EVC2: variants seen among roughly 807,000 people sequenced by gnomAD.
EVC2 encodes limbin.
Under a neutral mutation model 149.3 loss-of-function variants are expected in EVC2, and 148 were observed. The observed-to-expected ratio is 0.99, with a 90% CI of 0.87 to 1.14. The LOEUF is 1.14. Ranked by LOEUF, EVC2 falls within the 50% of genes most tolerant of loss-of-function variation. The pLI is 0.00. For synonymous variants in EVC2, 776 were observed against 649.9 expected (o/e 1.19, Z -2.95); for missense variants, 1,854 against 1,627.3 (o/e 1.14, Z -2.40).
chr4:5,561,381 C>T (rs530732835), downstream of EVC2, among the ~76,000 whole-genome samples: 8 of 152,270 alleles, frequency 5.3e-5, 1 homozygote, highest in South Asian at 1.5e-3. Flanking sequence ...TGTTCTCACT[C>T]GAGGCCCACT....
chr4:5,697,110 G>A (rs1296808533), intron 2 of EVC2, among the ~76,000 whole-genome samples: 1 of 152,236 alleles, frequency 6.6e-6, no homozygotes, highest in African/African-American at 2.4e-5. Flanking sequence ...AGGAACGCAG[G>A]CAATGCGGCC....
chr4:5,571,854 T>C (rs6856269), intron 19 of EVC2, among the ~76,000 whole-genome samples: 142,784 of 152,230 alleles, frequency 0.94, 67,254 homozygotes, highest in Non-Finnish European at 0.99. Context: ...CGATGGCCTG[T>C]CATAATGTGG....
chr4:5,692,873 C>CAA (rs1162271018), intron 3 of EVC2, among the ~76,000 whole-genome samples: 10,805 of 36,362 alleles, frequency 0.3, 1,328 homozygotes, highest in East Asian at 0.48. Flanking sequence ...GACTCCGTCT[C>CAA]AAAAAAAAAA....
At chr4:5,649,023 T>C (rs1240473236) in intron 9 of EVC2, among the ~76,000 whole-genome samples, 1 of 152,248 alleles carries the variant, frequency 6.6e-6, no homozygotes, top group East Asian at 1.9e-4. Context: ...GTGCCATTTT[T>C]AATTATTCAG....
intron 9 of EVC2, among the ~76,000 whole-genome samples, chr4:5,660,511 C>T (rs1362236352): frequency 1.3e-5 from 2 of 152,148 alleles, no homozygotes; most frequent in Admixed American, 6.5e-5. Flanking sequence ...CTTCCTGGAC[C>T]CAGGGAGATA....
rs1011094264 is a variant in EVC2 at position 5,640,442 on chromosome 4, G to A, written c.1470+72C>T. 7.2e-5 allele frequency: 114 copies of A among 1,579,146 alleles called. No homozygotes were observed. In the Admixed American group the frequency reaches 1.9e-3, roughly 26 times the overall value. ...ATGGAGGAGGCAAATGGACAGATGA[G>A]TGGGTAGATGGATAAATGACAAATC... On this transcript the variant is annotated intron_variant, in intron 10 of 21. Coordinates refer to ENST00000344408, the MANE Select transcript of EVC2 (RefSeq NM_147127.5). This position sits in a 1 kb window ranked among gnomAD's most constrained non-coding sequence, Gnocchi z 4.6.
chr4:5,624,184 G>T (rs1376331063), intron 13 of EVC2, among the ~76,000 whole-genome samples: 2 of 152,134 alleles, frequency 1.3e-5, no homozygotes, highest in Non-Finnish European at 2.9e-5. Context: ...AGGCCCCGTG[G>T]TGGGAAAAAA....
chr4:5,687,747 C>G (rs7377823), intron 5 of EVC2, among the ~76,000 whole-genome samples: 141,644 of 152,202 alleles, frequency 0.93, 66,030 homozygotes, highest in African/African-American at 0.97. Flanking sequence ...AGCTGGGTCT[C>G]GCAGGAGCAT....
intron 13 of EVC2, among the ~76,000 whole-genome samples, chr4:5,623,280 G>C (rs569567613): frequency 4.9e-4 from 74 of 151,972 alleles, no homozygotes; most frequent in African/African-American, 1.6e-3. Context: ...GCAATTACGG[G>C]CACGTGCGCC....
intron 16 of EVC2, among the ~76,000 whole-genome samples, chr4:5,610,063 C>G (rs1714695854): frequency 6.6e-6 from 1 of 152,156 alleles, no homozygotes; most frequent in Non-Finnish European, 1.5e-5. Flanking sequence ...CCCTGTACCT[C>G]AAAGCCCTTA....
Position 5,696,585 on chromosome 4 carries a change from C to T in EVC2, c.283+1008G>A, listed in dbSNP as rs184663697. 9.1e-4 allele frequency among the ~76,000 whole-genome samples: 138 copies of T among 152,290 alleles called. 1 individual carries two copies. The highest frequency in any genetic ancestry group is 1.2e-3 in the Admixed American group (18 of 15,306). On this transcript the variant is annotated intron_variant, in intron 2 of 21. Transcript: ENST00000344408. This position sits in a 1 kb window ranked among gnomAD's most constrained non-coding sequence, Gnocchi z 4.1. ...TGAGGCTCAGGAGCCAGGGACTGCC[C>T]GCGGCATTTTTCCCACCATGGGGAA...
intron 16 of EVC2, among the ~76,000 whole-genome samples, chr4:5,600,178 C>G (rs1577141396): frequency 6.6e-6 from 1 of 152,156 alleles, no homozygotes; most frequent in Non-Finnish European, 1.5e-5. Flanking sequence ...GTTGCTTAAC[C>G]TGTCTGAGTC....
intron 1 of EVC2, among the ~76,000 whole-genome samples, chr4:5,706,914 C>T (rs1433630785): frequency 1.3e-5 from 2 of 152,146 alleles, no homozygotes; most frequent in African/African-American, 2.4e-5. Flanking sequence ...CACCATGGTC[C>T]TAGATGGCTT....
rs989988753 is a variant in EVC2, at chr4:5,644,494, G to A, written c.1146-3656C>T. On this transcript the variant is annotated intron_variant, in intron 9 of 21. Coordinates refer to ENST00000344408, the MANE Select transcript of EVC2 (RefSeq NM_147127.5). The stretch of plus-strand genomic sequence containing the variant: ...TAATTTTTGCATTTTTAGTAGAGAC[G>A]GGGTTTCACCATGTTGGCCAGGATG... Among the ~76,000 whole-genome samples, 15 of 151,920 alleles carry A rather than the reference G, an allele frequency of 9.9e-5. No individual in the cohort carries two copies. In the East Asian group the frequency reaches 1.9e-3, roughly 20 times the overall value.
chr4:5,656,334 T>C (rs1718517658), intron 9 of EVC2, among the ~76,000 whole-genome samples: 1 of 152,158 alleles, frequency 6.6e-6, no homozygotes, highest in African/African-American at 2.4e-5. Context: ...ACCCCCTCCT[T>C]TCACTTCTTC....
chr4:5,644,429 C>T (rs368146550), intron 9 of EVC2, among the ~76,000 whole-genome samples: 4 of 152,130 alleles, frequency 2.6e-5, no homozygotes, highest in East Asian at 3.9e-4. Flanking sequence ...CTCAGCCTCC[C>T]GAGTAGCTGG....
At chr4:5,594,043 T>C (rs963659711) in intron 16 of EVC2, among the ~76,000 whole-genome samples, 3 of 152,174 alleles carry the variant, frequency 2.0e-5, no homozygotes, top group African/African-American at 4.8e-5. Context: ...TGCCCAGGCT[T>C]GCTTAGGTAA....
At chr4:5,532,530 A>G in the EVC2 span, among the ~76,000 whole-genome samples, 26 of 152,234 alleles carry the variant, frequency 1.7e-4, no homozygotes, top group Admixed American at 1.7e-3. Flanking sequence ...CTGAGCCTGC[A>G]TGTTCTTACA....
At chr4:5,582,828 A>C (rs1423319323) in intron 17 of EVC2, among the ~76,000 whole-genome samples, 1 of 152,162 alleles carries the variant, frequency 6.6e-6, no homozygotes, top group African/African-American at 2.4e-5. Flanking sequence ...TGATGGAGTT[A>C]TTATGAGATC....
Sources: allele counts gnomAD v4.1 joint callset (sites outside exome capture counted in the v4.1 genomes callset), GRCh38; gene constraint gnomAD v4.1.1; non-coding constraint Gnocchi (gnomAD v3.1); transcripts MANE v1.5; gene names NCBI Gene and HGNC (gene_info 2026-07-23, HGNC 2026-07-21).